Variants in SUCLG1 observed in about 807,000 individuals in gnomAD.
SUCLG1 encodes the protein succinate-CoA ligase GDP/ADP-forming subunit alpha.
Under a neutral mutation model 37.3 loss-of-function variants are expected in SUCLG1, and 26 were observed. The observed-to-expected ratio is 0.70, with a 90% CI of 0.51 to 0.97. The LOEUF (loss-of-function observed/expected upper bound fraction) is 0.97, where lower values mean the gene tolerates loss of function less well. SUCLG1 is among the 50% of genes least tolerant of loss of function. The probability of loss-of-function intolerance (pLI) is 0.00; values close to 1 mark genes in which losing one functional copy is unlikely to be tolerated. For synonymous variants in SUCLG1, 163 were observed against 155.6 expected, an observed-to-expected ratio of 1.05 and a Z score of -0.36; for missense variants, 433 against 432.9, an observed-to-expected ratio of 1.00 and a Z score of 0.00.
rs1162523042 is a variant in SUCLG1 at position 84,459,280 on chromosome 2, C to T, written c.-11G>A. ...AAGGGTTGCGGTCATACGCCAATGACACTCCCAGGCCCCCGGGGACCTCCC... is the reference window on the plus strand; with the variant it reads ...AAGGGTTGCGGTCATACGCCAATGATACTCCCAGGCCCCCGGGGACCTCCC... On this transcript the variant is annotated 5_prime_UTR_variant, in exon 1 of 9. Transcript: ENST00000393868. The T allele has an allele frequency of 6.5e-7, 1 of 1,550,346 alleles. No homozygotes were observed. The highest frequency in any genetic ancestry group is 8.7e-7 in the Non-Finnish European group (1 of 1,146,576).
intron 7 of SUCLG1, among the ~76,000 whole-genome samples, chr2:84,427,199 C>T (rs1354161637): frequency 6.6e-6 from 1 of 152,168 alleles, no homozygotes; most frequent in African/African-American, 2.4e-5. Flanking sequence ...CAGCCTCACA[C>T]AGATATGTAA....
At chr2:84,440,582 T>C (rs950886743) in intron 5 of SUCLG1, among the ~76,000 whole-genome samples, 53 of 152,162 alleles carry the variant, frequency 3.5e-4, no homozygotes, top group African/African-American at 1.3e-3. Context: ...GAAACGAAAA[T>C]GTTTCCACAA....
At chr2:84,457,247 A>C (rs1673036958) in intron 1 of SUCLG1, among the ~76,000 whole-genome samples, 4 of 152,228 alleles carry the variant, frequency 2.6e-5, no homozygotes, top group African/African-American at 9.6e-5. Flanking sequence ...ATGGGCTCGG[A>C]AATGTGGCAT....
At chr2:84,426,580 T>A (rs1353250425) in intron 7 of SUCLG1, 4 of 151,790 alleles carry the variant, frequency 2.6e-5, no homozygotes, top group Non-Finnish European at 5.9e-5. Flanking sequence ...GGCAGGAGAA[T>A]CGCTTGAACC....
chr2:84,441,384 C>T lies in SUCLG1; in HGVS notation c.394G>A (p.Ala132Thr), dbSNP rs542629113. 4.3e-6 allele frequency: 7 copies of T among 1,614,160 alleles called. 1 individual carries two copies. The South Asian group carries it at 7.7e-5, about 18-fold the overall frequency. The change falls in exon 4 of 9, where the codon GCT becomes ACT. Residue 132 changes from alanine (A) to threonine (T), a missense_variant. By Grantham distance (58) the Ala-to-Thr change is moderately conservative. Transcript: ENST00000393868. ...PPFAAAAINE[A>T]IEAEIPLVVC... Reference sequence around the variant, plus strand: ...ACCAAGGGAATTTCTGCCTCAATAGCTTCATTAATGGCAGCAGCAGCAAAA... The same window carrying T: ...ACCAAGGGAATTTCTGCCTCAATAGTTTCATTAATGGCAGCAGCAGCAAAA...
chr2:84,440,106 A>G (rs1672745155), intron 5 of SUCLG1, among the ~76,000 whole-genome samples: 1 of 152,158 alleles, frequency 6.6e-6, no homozygotes, highest in Admixed American at 6.5e-5. Flanking sequence ...CGGGCATGGT[A>G]GCTCACGCCT....
chr2:84,456,983 T>C (rs1673030438), intron 1 of SUCLG1, among the ~76,000 whole-genome samples: 2 of 152,132 alleles, frequency 1.3e-5, no homozygotes, highest in African/African-American at 4.8e-5. Flanking sequence ...TTTCATAAGC[T>C]ATAAAACAGG....
At chr2:84,439,664 A>T (rs1672738327) in intron 5 of SUCLG1, among the ~76,000 whole-genome samples, 1 of 152,240 alleles carries the variant, frequency 6.6e-6, no homozygotes, top group Non-Finnish European at 1.5e-5. Context: ...GTGACAATTA[A>T]TTACCCTTAT....
intron 5 of SUCLG1, among the ~76,000 whole-genome samples, chr2:84,434,164 C>G (rs950941074): frequency 1.3e-5 from 2 of 152,182 alleles, no homozygotes; most frequent in Non-Finnish European, 2.9e-5. Context: ...ATCTCTTTTA[C>G]TTATAAATCA....
At chr2:84,436,508 C>T (rs1407948413) in intron 5 of SUCLG1, among the ~76,000 whole-genome samples, 1 of 152,206 alleles carries the variant, frequency 6.6e-6, no homozygotes, top group African/African-American at 2.4e-5. Flanking sequence ...TGGCCTGAGC[C>T]CTGCCCTCGA....
Position 84,423,793 on chromosome 2 carries a change from G to T in SUCLG1, c.1015-21C>A. ...AATTCCTTCAGAAACAGAAGAGAGA[G>T]AGAAGAGAGATGGAATGAATAAAGA... On this transcript the variant is annotated intron_variant, in intron 8 of 8. Transcript: ENST00000393868. The T allele has an allele frequency of 2.5e-6, 4 of 1,602,480 alleles. No homozygotes were observed. In the South Asian group the frequency reaches 4.4e-5, roughly 18 times the overall value.
At position 84,441,571 on chromosome 2, in the gene SUCLG1, A is replaced by C; in HGVS notation, c.319-112T>G. ...TTGGGGTAAGAAAAGGACACTACCC[A>C]GAGACATAGCATTCTTCCCATTCTC... is the stretch of plus-strand genomic sequence containing the variant. On this transcript the variant is annotated intron_variant, in intron 3 of 8. Coordinates refer to ENST00000393868, the MANE Select transcript of SUCLG1 (RefSeq NM_003849.4). The C allele has an allele frequency of 2.5e-6, 3 of 1,179,950 alleles. 1 individual carries two copies. The highest frequency in any genetic ancestry group is 1.3e-5 in the South Asian group (1 of 75,828). 73.1% of individuals were successfully genotyped at this position (1,179,950 alleles called of 1,614,324 possible). A position where few individuals can be genotyped will look rare whatever the true frequency, so the allele number is the denominator to read the frequency against.
In SUCLG1 at chr2:84,459,177, G is replaced by T; in HGVS notation, c.93C>A (p.Phe31Leu). 1 of 1,549,630 alleles carries T rather than the reference G, an allele frequency of 6.5e-7. No homozygotes were observed. Among genetic ancestry groups the T allele is most frequent in the Non-Finnish European group, 8.7e-7 (1 of 1,146,390 alleles). ...GACAGTACTGGCTGGACTCACGGAG[G>T]AAGCTGCGCGACAGGAGACGGGCGG... ...LAAARLLSRS[F>L]LLPQNGIRHC... is the part of the protein sequence containing the mutation. Residue 31 changes from phenylalanine to leucine, a missense_variant, in exon 1 of 9, where the codon TTC (phenylalanine) becomes TTA (leucine). By Grantham distance (22) the Phe-to-Leu change is conservative. Coordinates refer to ENST00000393868, the MANE Select transcript of SUCLG1 (RefSeq NM_003849.4).
Position 84,425,439 on chromosome 2 carries a change from T to C in SUCLG1, c.990A>G (p.Ala330=), listed in dbSNP as rs1672519735. ...SAGVVVSMSP[A]QLGTTIYKEF... ...CCTTGTAGATCGTGGTTCCCAGCTGTGCAGGAGACATACTGACCACAACTC... is the reference window on the plus strand; with the variant it reads ...CCTTGTAGATCGTGGTTCCCAGCTGCGCAGGAGACATACTGACCACAACTC... Residue 330 remains alanine, a synonymous_variant, in exon 8 of 9, where the codon GCA becomes GCG. Transcript: ENST00000393868. 1 of 1,614,142 alleles carries C rather than the reference T, an allele frequency of 6.2e-7. No homozygotes were observed. The highest frequency in any genetic ancestry group is 8.5e-7 in the Non-Finnish European group (1 of 1,180,030).
chr2:84,453,598 G>A (rs1026447616), intron 1 of SUCLG1, among the ~76,000 whole-genome samples: 2 of 152,164 alleles, frequency 1.3e-5, no homozygotes, highest in East Asian at 3.9e-4. Context: ...TGTACTTTTA[G>A]TAGAGACGGG....
chr2:84,455,013 G>A (rs1258965683), intron 1 of SUCLG1, among the ~76,000 whole-genome samples: 6 of 152,114 alleles, frequency 3.9e-5, no homozygotes, highest in African/African-American at 1.4e-4. Context: ...TTAACCATAT[G>A]TATTATGCAT....
chr2:84,430,583 G>C (rs1424738317), intron 7 of SUCLG1, among the ~76,000 whole-genome samples: 1 of 152,150 alleles, frequency 6.6e-6, no homozygotes, highest in Non-Finnish European at 1.5e-5. Context: ...GCCTTGTTTT[G>C]TGTAAACCAC....
At chr2:84,449,591 T>C (rs1672905005) in intron 2 of SUCLG1, 58 bp downstream of exon 2, 2 of 1,155,742 alleles carry the variant, frequency 1.7e-6, no homozygotes, top group African/African-American at 1.6e-5. Context: ...AATAAAAAAA[T>C]AGTTAATTTG....
At position 84,423,724 on chromosome 2, in the gene SUCLG1, T is replaced by C; in HGVS notation, c.*22A>G. ...CATGTCTACGTGATCCATTCCACAG[T>C]TTTAGGAATTTTTTTTTTCTTTCAT... On this transcript the variant is annotated 3_prime_UTR_variant, in exon 9 of 9. Transcript: ENST00000393868. The C allele has an allele frequency of 6.3e-7, 1 of 1,594,450 alleles. No individual in the cohort carries two copies. Among genetic ancestry groups the C allele is most frequent in the Non-Finnish European group, 8.6e-7 (1 of 1,166,978 alleles).
Sources: gnomAD v4.1 joint callset for allele counts (sites outside exome capture counted in the v4.1 genomes callset) on GRCh38, gnomAD v4.1.1 for gene constraint, MANE v1.5 for transcripts, NCBI Gene and HGNC (gene_info 2026-07-23, HGNC 2026-07-21) for gene names.